The following PARD3B variants were observed in gnomAD, a reference collection of about 807,000 sequenced individuals.
The protein encoded by PARD3B is par-3 family cell polarity regulator beta, also known as partitioning defective 3 homolog B.
PARD3B carries 103 observed loss-of-function variants against 130.2 expected under a neutral mutation model. The ratio of observed to expected loss-of-function variants is 0.79; its 90% confidence interval spans 0.67 to 0.93. The LOEUF (loss-of-function observed/expected upper bound fraction) is 0.93. Ranked by LOEUF, PARD3B falls within the 40% of genes least tolerant of loss-of-function variation. PARD3B has a pLI of 0.00. For missense variants in PARD3B, 1,609 were observed against 1,499.2 expected (o/e 1.07, Z -1.21); for synonymous variants, 583 against 553.2 (o/e 1.05, Z -0.76).
At chr2:205,233,679 A>C (rs1045847093) in intron 15 of PARD3B, among the ~76,000 whole-genome samples, 5 of 152,142 alleles carry the variant, frequency 3.3e-5, no homozygotes, top group African/African-American at 1.2e-4. Context: ...ATAAGTAAAA[A>C]ATGTGTTGCT....
chr2:205,165,284 T>C (rs1284134346), intron 11 of PARD3B, among the ~76,000 whole-genome samples: 1 of 152,170 alleles, frequency 6.6e-6, no homozygotes, highest in East Asian at 1.9e-4. Flanking sequence ...TATTATTGTA[T>C]GGTACACCAG....
intron 20 of PARD3B, among the ~76,000 whole-genome samples, chr2:205,459,986 T>TA (rs1357308409): frequency 2.0e-5 from 3 of 152,126 alleles, no homozygotes; most frequent in Admixed American, 1.3e-4. Flanking sequence ...AATTTGTACT[T>TA]ATGTGAGTGA....
chr2:205,188,950 A>G (rs962762929), intron 14 of PARD3B, among the ~76,000 whole-genome samples: 1 of 152,164 alleles, frequency 6.6e-6, no homozygotes, highest in South Asian at 2.1e-4. Context: ...TGCTCAACCT[A>G]TTTTTACTAT....
intron 15 of PARD3B, among the ~76,000 whole-genome samples, chr2:205,227,226 T>A (rs1325198967): frequency 6.6e-6 from 1 of 152,172 alleles, no homozygotes; most frequent in African/African-American, 2.4e-5. Flanking sequence ...TTAAATCTGA[T>A]GTTTGTTGAT....
chr2:204,670,943 A>G (rs1418760342), intron 1 of PARD3B, among the ~76,000 whole-genome samples: 1 of 151,978 alleles, frequency 6.6e-6, no homozygotes, highest in African/African-American at 2.4e-5. Flanking sequence ...TTGATTTTGG[A>G]CTTTTTCCTA....
chr2:205,097,646 G>A lies in PARD3B; in HGVS notation c.505-6780G>A, dbSNP rs141843748. Among the ~76,000 whole-genome samples the A allele has an allele frequency of 4.4e-3, 677 of 152,234 alleles. 3 individuals are homozygous for A. Among genetic ancestry groups the A allele is most frequent in the Middle Eastern group, 0.01 (3 of 294 alleles). ...TAGAACTTCAAGCATTGAGTGCGGG[G>A]CCCAGCAATCTAGGTTGTCACAACA... is the stretch of plus-strand genomic sequence containing the variant. On this transcript the variant is annotated intron_variant, in intron 4 of 22. Transcript: ENST00000406610.
chr2:205,038,398 C>T (rs1698162414), intron 3 of PARD3B, among the ~76,000 whole-genome samples: 2 of 152,076 alleles, frequency 1.3e-5, no homozygotes, highest in Non-Finnish European at 2.9e-5. Context: ...TCGCTTTATC[C>T]TTAACCCTTG....
intron 1 of PARD3B, among the ~76,000 whole-genome samples, chr2:204,667,478 C>T (rs75788737): frequency 3.3e-5 from 5 of 152,218 alleles, no homozygotes; most frequent in Non-Finnish European, 7.4e-5. Flanking sequence ...GTTCCAGTCC[C>T]AGATTTTTAG....
chr2:204,815,456 T>C (rs1372615919), intron 2 of PARD3B, among the ~76,000 whole-genome samples: 1 of 151,954 alleles, frequency 6.6e-6, no homozygotes, highest in Non-Finnish European at 1.5e-5. Flanking sequence ...TAGAGGTTTA[T>C]TCTTTTAAAA....
chr2:205,506,693 C>G (rs947890660), intron 21 of PARD3B, among the ~76,000 whole-genome samples: 13 of 152,176 alleles, frequency 8.5e-5, no homozygotes, highest in African/African-American at 3.1e-4. Flanking sequence ...AGGACAAGTG[C>G]CATCAATGGT....
intron 2 of PARD3B, among the ~76,000 whole-genome samples, chr2:204,910,189 A>G (rs1324891808): frequency 6.6e-6 from 1 of 152,194 alleles, no homozygotes; most frequent in Non-Finnish European, 1.5e-5. Context: ...GCAAATAAGT[A>G]AGAGGTTAGA....
intron 7 of PARD3B, among the ~76,000 whole-genome samples, chr2:205,120,447 C>T (rs1004459549): frequency 7.9e-5 from 12 of 152,146 alleles, no homozygotes; most frequent in Admixed American, 7.2e-4. Flanking sequence ...AAGGGGGGTG[C>T]GGGGTAGGGT....
intron 16 of PARD3B, among the ~76,000 whole-genome samples, chr2:205,249,142 T>C (rs1460502363): frequency 6.6e-6 from 1 of 151,042 alleles, no homozygotes; most frequent in African/African-American, 2.4e-5. Flanking sequence ...CCTGAGTAGC[T>C]GGGATTACAG....
At chr2:205,544,278 T>G (rs2052291234) in intron 21 of PARD3B, among the ~76,000 whole-genome samples, 1 of 152,116 alleles carries the variant, frequency 6.6e-6, no homozygotes, top group South Asian at 2.1e-4. Context: ...CATCAGACCT[T>G]TGTCTTTTTT....
At chr2:205,588,516 C>T (rs375981063) in intron 22 of PARD3B, among the ~76,000 whole-genome samples, 22 of 151,444 alleles carry the variant, frequency 1.5e-4, no homozygotes, top group Admixed American at 7.2e-4. Flanking sequence ...ATTTTGTGTG[C>T]GTGCATGTGT....
At chr2:204,706,413 A>T (rs577928468) in intron 2 of PARD3B, among the ~76,000 whole-genome samples, 1 of 152,060 alleles carries the variant, frequency 6.6e-6, no homozygotes, top group Admixed American at 6.5e-5. Context: ...GGAGAAATCC[A>T]TCCAGATTTG....
Position 205,265,201 on chromosome 2 carries a change from T to C in PARD3B, c.2185+19379T>C, listed in dbSNP as rs974552027. Among the ~76,000 whole-genome samples the C allele has an allele frequency of 1.3e-5, 2 of 152,002 alleles. No individual in the cohort carries two copies. Among genetic ancestry groups the C allele is most frequent in the Non-Finnish European group, 1.5e-5 (1 of 67,918 alleles). On this transcript the variant is annotated intron_variant, in intron 16 of 22. Transcript: ENST00000406610. This position sits in a 1 kb window ranked among gnomAD's most constrained non-coding sequence, Gnocchi z 4.3. ...CATAGAGTTTCATCACATTATTGTG[T>C]GTAAGATATATTTACAAGAGACTTA...
In PARD3B at chr2:205,460,493, C is replaced by G. The variant is rs375869228; in HGVS notation, c.3044+19821C>G. Among the ~76,000 whole-genome samples the G allele has an allele frequency of 6.6e-6, 1 of 152,140 alleles. No individual in the cohort carries two copies. The highest frequency in any genetic ancestry group is 1.5e-5 in the Non-Finnish European group (1 of 67,984). On this transcript the variant is annotated intron_variant, in intron 20 of 22. Transcript: ENST00000406610. The surrounding 1 kb of genome is among the most constrained non-coding windows in gnomAD (Gnocchi z 4.9). ...ATATGCCCAGCATTGAGGTACTTTA[C>G]ATGCAATATGATGTCTCTTGAGCAA...
chr2:204,849,549 G>A (rs2044621494), intron 2 of PARD3B, among the ~76,000 whole-genome samples: 1 of 152,142 alleles, frequency 6.6e-6, no homozygotes, highest in Non-Finnish European at 1.5e-5. Context: ...ACCTTTTCAT[G>A]AAATTTAAAT....
Sources: allele counts gnomAD v4.1 joint callset (sites outside exome capture counted in the v4.1 genomes callset), GRCh38; gene constraint gnomAD v4.1.1; non-coding constraint Gnocchi (gnomAD v3.1); transcripts MANE v1.5; gene names NCBI Gene and HGNC (gene_info 2026-07-23, HGNC 2026-07-21).